NAF1: variants seen among roughly 807,000 people sequenced by gnomAD.
NAF1 encodes nuclear assembly factor 1 ribonucleoprotein, also known as H/ACA ribonucleoprotein complex non-core subunit NAF1.
A neutral mutation model predicts 40.6 loss-of-function variants in NAF1; 11 were observed. That is an observed-to-expected ratio of 0.27 (90% CI 0.17 to 0.45). NAF1 has a LOEUF of 0.45. NAF1 is among the 20% of genes least tolerant of loss of function. NAF1 has a pLI of 1.00. For synonymous variants in NAF1, 260 were observed against 228.5 expected, an observed-to-expected ratio of 1.14 and a Z score of -1.24; for missense variants, 607 against 611.1, an observed-to-expected ratio of 0.99 and a Z score of 0.07.
In NAF1 at chr4:163,166,367, C is replaced by T. The variant is rs766376309; in HGVS notation, c.361G>A (p.Asp121Asn). Residue 121 changes from aspartate to asparagine, a missense_variant, in exon 1 of 8, where the codon GAC becomes AAC. This residue lies in a region of NAF1 where 407 missense variants were observed against 365.5 expected (regional missense o/e 1.11). Coordinates refer to ENST00000274054, the MANE Select transcript of NAF1 (RefSeq NM_138386.3). ...LETSDSDSDS[D>N]SETDSDSSSS... The stretch of plus-strand genomic sequence containing the variant: ...CGGGTCCCTTAGGCACCCGACCTGT[C>T]CGAGTCCGAATCCGAGTCCGAGGTC... The T allele has an allele frequency of 1.9e-6, 3 of 1,600,006 alleles. No individual in the cohort carries two copies. The highest frequency in any genetic ancestry group is 1.7e-6 in the Non-Finnish European group (2 of 1,172,834).
intron 7 of NAF1, among the ~76,000 whole-genome samples, chr4:163,131,555 A>T (rs1169374367): frequency 6.6e-6 from 1 of 152,222 alleles, no homozygotes; most frequent in Non-Finnish European, 1.5e-5. Flanking sequence ...CGCAATTTTA[A>T]GACTAACCTC....
chr4:163,165,679 C>T (rs1732423481), intron 1 of NAF1, among the ~76,000 whole-genome samples: 1 of 152,132 alleles, frequency 6.6e-6, no homozygotes, highest in South Asian at 2.1e-4. Flanking sequence ...TCAACACACT[C>T]AACTATTTGT....
At chr4:163,107,612 C>A (rs571480798), downstream of NAF1, among the ~76,000 whole-genome samples, 1 of 152,028 alleles carries the variant, frequency 6.6e-6, no homozygotes, top group Non-Finnish European at 1.5e-5. Context: ...CTACATTGCT[C>A]GACTATTTTA....
At chr4:163,127,656 GAAGA>G (rs1050526344), downstream of NAF1, among the ~76,000 whole-genome samples, 3 of 152,194 alleles carry the variant, frequency 2.0e-5, no homozygotes, top group Non-Finnish European at 4.4e-5. Context: ...TAAAAATAAT[GAAGA>G]AAGTACTCAT....
Position 163,129,312 on chromosome 4 carries a change from G to A in NAF1, c.1070C>T (p.Ala357Val), listed in dbSNP as rs535309059. ...TGCATGCTCTGAAGCAGAGCTATGA[G>A]CATTCCAATTCTGATGTACTTCAGT... ...DFTEVHQNWN[A>V]HSSASEHAKG... is the part of the protein sequence containing the mutation. The change falls in exon 8 of 8, where the codon GCT becomes GTT. Residue 357 changes from alanine (A) to valine (V), a missense_variant. Coordinates refer to ENST00000274054, the MANE Select transcript of NAF1 (RefSeq NM_138386.3). 4.2e-5 allele frequency: 68 copies of A among 1,613,434 alleles called. No homozygotes were observed. Among genetic ancestry groups the A allele is most frequent in the Non-Finnish European group, 5.7e-5 (67 of 1,179,492 alleles).
downstream of NAF1, among the ~76,000 whole-genome samples, chr4:163,109,899 A>G (rs1730112004): frequency 6.6e-6 from 1 of 152,248 alleles, no homozygotes; most frequent in Non-Finnish European, 1.5e-5. Context: ...CTTCTGATCC[A>G]GAATGAAATG....
In NAF1 at chr4:163,133,178, G is replaced by A; in HGVS notation, c.1009C>T (p.Leu337Phe). ...KKSQIQGRKK[L>F]KSEFNEPGED... is the part of the protein sequence containing the mutation. ...CCAGGCTCATTAAATTCAGATTTGAGTTTTTTCCGGCCTTGAATCTGAGAT... is the reference window on the plus strand; with the variant it reads ...CCAGGCTCATTAAATTCAGATTTGAATTTTTTCCGGCCTTGAATCTGAGAT... The change falls in exon 7 of 8, where the codon CTC becomes TTC. Residue 337 changes from leucine to phenylalanine, a missense_variant. Coordinates refer to ENST00000274054, the MANE Select transcript of NAF1 (RefSeq NM_138386.3). The A allele has an allele frequency of 1.2e-6, 2 of 1,613,776 alleles. No homozygotes were observed. The highest frequency in any genetic ancestry group is 8.5e-7 in the Non-Finnish European group (1 of 1,179,820).
intron 7 of NAF1, among the ~76,000 whole-genome samples, chr4:163,131,262 CTT>C (rs1284333303): frequency 6.6e-6 from 1 of 152,026 alleles, no homozygotes; most frequent in Non-Finnish European, 1.5e-5. Flanking sequence ...TTTCATTAAA[CTT>C]AACAATTTCT....
intron 2 of NAF1, among the ~76,000 whole-genome samples, chr4:163,115,189 T>C (rs753579733): frequency 1.4e-5 from 2 of 147,988 alleles, no homozygotes; most frequent in South Asian, 2.1e-4. Context: ...ATTGGCGATA[T>C]AGGACAATAA....
Position 163,166,676 on chromosome 4 carries a change from C to A in NAF1, c.52G>T (p.Gly18Cys). The A allele has an allele frequency of 6.2e-7, 1 of 1,613,808 alleles. No homozygotes were observed. The highest frequency in any genetic ancestry group is 1.1e-5 in the South Asian group (1 of 91,070). Reference sequence around the variant, plus strand: ...CCTTCCCCAACTCCAAAGTCGGTGCCATTGAATTTCAGAGTTTCCAGCTGA... The same window carrying A: ...CCTTCCCCAACTCCAAAGTCGGTGCAATTGAATTTCAGAGTTTCCAGCTGA... ...AAQLETLKFN[G>C]TDFGVGEGPA... The change falls in exon 1 of 8, where the codon GGC (glycine) becomes TGC (cysteine). Residue 18 changes from glycine (G) to cysteine (C), a missense_variant. By Grantham distance (159) the Gly-to-Cys change is radical. Coordinates refer to ENST00000274054, the MANE Select transcript of NAF1 (RefSeq NM_138386.3).
At chr4:163,156,655 C>G (rs1359461608) in intron 2 of NAF1, among the ~76,000 whole-genome samples, 2 of 152,120 alleles carry the variant, frequency 1.3e-5, no homozygotes, top group African/African-American at 4.8e-5. Context: ...CATTACAAAA[C>G]ATATTCCCAG....
chr4:163,152,184 G>T (rs564988250), intron 2 of NAF1, among the ~76,000 whole-genome samples: 1 of 152,014 alleles, frequency 6.6e-6, no homozygotes, highest in Non-Finnish European at 1.5e-5. Flanking sequence ...CATTTTTATC[G>T]GAATTTCTTT....
At chr4:163,154,813 G>A (rs1253276100) in intron 2 of NAF1, among the ~76,000 whole-genome samples, 1 of 151,864 alleles carries the variant, frequency 6.6e-6, no homozygotes, top group Non-Finnish European at 1.5e-5. Flanking sequence ...GGAGGTTGCA[G>A]TGAGCAGAGA....
chr4:163,141,972 A>G (rs1731279180), intron 4 of NAF1: 2 of 959,022 alleles, frequency 2.1e-6, no homozygotes. Flanking sequence ...GTACTCTAAA[A>G]AGAAGTAGTG....
rs78801387 is a variant in NAF1 at position 163,129,958 on chromosome 4, A to G, written c.1034-610T>C. On this transcript the variant is annotated intron_variant, in intron 7 of 7. Coordinates refer to ENST00000274054, the MANE Select transcript of NAF1 (RefSeq NM_138386.3). ...AAGTACTCCTGTCCCTACCAGGCAT[A>G]AGACCTCGTGGGATGTCAGAACTTC... Among the ~76,000 whole-genome samples, 1,247 of 152,264 alleles carry G rather than the reference A, an allele frequency of 8.2e-3. 18 individuals are homozygous for G. Among genetic ancestry groups the G allele is most frequent in the African/African-American group, 0.028 (1,143 of 41,550 alleles).
At chr4:163,133,049 A>ACCTC in intron 7 of NAF1, 105 bp downstream of exon 7, 1 of 885,076 alleles carries the variant, frequency 1.1e-6, no homozygotes, top group South Asian at 1.7e-5. Flanking sequence ...GGATGCTAGG[A>ACCTC]GGTAAACAGA....
chr4:163,139,368 T>C (rs1731170141), intron 5 of NAF1, among the ~76,000 whole-genome samples: 1 of 152,152 alleles, frequency 6.6e-6, no homozygotes, highest in Non-Finnish European at 1.5e-5. Flanking sequence ...CCCCAGTCTT[T>C]GGCAGTCTTT....
At chr4:163,135,418 A>T (rs1169705838) in intron 6 of NAF1, 1 of 152,220 alleles carries the variant, frequency 6.6e-6, no homozygotes, top group East Asian at 1.9e-4. Flanking sequence ...ACCTAGTCAA[A>T]CCAATTTTAC....
At chr4:163,148,551 A>G (rs1731569477) in intron 2 of NAF1, 117 bp from the exon 3 acceptor site, 2 of 672,246 alleles carry the variant, frequency 3.0e-6, no homozygotes, top group Non-Finnish European at 5.1e-6. Flanking sequence ...TGCTTAGAGC[A>G]TCTCTTTAAT....
Sources: allele counts gnomAD v4.1 joint callset (sites outside exome capture counted in the v4.1 genomes callset), GRCh38; gene constraint gnomAD v4.1.1; regional missense constraint gnomAD v4.1.1; transcripts MANE v1.5; gene names NCBI Gene and HGNC (gene_info 2026-07-23, HGNC 2026-07-21).